Variants in OPRM1 observed in about 807,000 individuals in gnomAD.
OPRM1 encodes mu-type opioid receptor.
A neutral mutation model predicts 31.8 loss-of-function variants in OPRM1; 27 were observed. The observed-to-expected ratio is 0.85, with a 90% CI of 0.63 to 1.17. The LOEUF is 1.17. Ranked by LOEUF, OPRM1 falls within the 50% of genes most tolerant of loss-of-function variation. OPRM1 has a pLI of 0.00. For missense variants in OPRM1, 536 were observed against 511.1 expected (o/e 1.05, Z -0.47); for synonymous variants, 196 against 189.9 (o/e 1.03, Z -0.26).
chr6:154,229,102 C>G (rs1024015602), intron 3 of OPRM1, among the ~76,000 whole-genome samples: 1 of 152,192 alleles, frequency 6.6e-6, no homozygotes, highest in Non-Finnish European at 1.5e-5. Flanking sequence ...CAGGGGCGGC[C>G]CTCCCTTACA....
intron 3 of OPRM1, among the ~76,000 whole-genome samples, chr6:154,192,689 C>CA (rs905887187): frequency 7.2e-5 from 11 of 151,780 alleles, no homozygotes; most frequent in Non-Finnish European, 1.3e-4. Flanking sequence ...TTAATCCTAT[C>CA]AAAAAATGGG....
chr6:154,063,031 A>T (rs1256988523), intron 1 of OPRM1, among the ~76,000 whole-genome samples: 1 of 152,058 alleles, frequency 6.6e-6, no homozygotes, highest in Non-Finnish European at 1.5e-5. Context: ...CATTCCAAGT[A>T]GTTAAATCTC....
intron 3 of OPRM1, among the ~76,000 whole-genome samples, chr6:154,175,700 A>T (rs1436708563): frequency 4.6e-5 from 7 of 152,212 alleles, no homozygotes; most frequent in African/African-American, 1.7e-4. Context: ...AACCAAAAAA[A>T]ATCCAGGACC....
chr6:154,114,119 A>C (rs1225331372), intron 3 of OPRM1, among the ~76,000 whole-genome samples: 1 of 152,174 alleles, frequency 6.6e-6, no homozygotes, highest in Non-Finnish European at 1.5e-5. Context: ...TTTCTAATCA[A>C]CTTGTACATA....
chr6:154,197,336 CAA>C (rs779496553), intron 3 of OPRM1, among the ~76,000 whole-genome samples: 1 of 152,072 alleles, frequency 6.6e-6, no homozygotes, highest in Non-Finnish European at 1.5e-5. Flanking sequence ...CAAATGCAAG[CAA>C]AGATTGGGTT....
intron 3 of OPRM1, among the ~76,000 whole-genome samples, chr6:154,212,595 T>A (rs530975820): frequency 1.3e-5 from 2 of 152,298 alleles, no homozygotes; most frequent in East Asian, 3.9e-4. Flanking sequence ...TACCACTGGG[T>A]TGCTATGGAG....
intron 3 of OPRM1, chr6:154,094,154 A>G: frequency 2.0e-6 from 2 of 1,010,920 alleles, no homozygotes; most frequent in East Asian, 6.0e-5. Context: ...TTTGAGGAAT[A>G]TATTATACTC....
At chr6:154,051,982 G>A (rs1223693322) in intron 1 of OPRM1, among the ~76,000 whole-genome samples, 1 of 152,152 alleles carries the variant, frequency 6.6e-6, no homozygotes, top group African/African-American at 2.4e-5. Flanking sequence ...ATACACCATG[G>A]AATACTATGC....
chr6:154,108,856 T>C (rs1795998541), intron 3 of OPRM1: 1 of 984,786 alleles, frequency 1.0e-6, no homozygotes, highest in South Asian at 4.7e-5. Context: ...CCAAGCATAC[T>C]AGAAGTGTTC....
intron 1 of OPRM1, among the ~76,000 whole-genome samples, chr6:154,028,651 TC>T (rs1207257795): frequency 6.6e-6 from 1 of 152,158 alleles, no homozygotes; most frequent in African/African-American, 2.4e-5. Flanking sequence ...GATTAGTGAT[TC>T]CCCTCTGGCT....
upstream of OPRM1, among the ~76,000 whole-genome samples, chr6:154,036,778 G>GCAAC (rs1237068101): frequency 2.0e-5 from 3 of 150,460 alleles, no homozygotes; most frequent in Admixed American, 6.6e-5. Flanking sequence ...TATATTTTAT[G>GCAAC]CCATTATCTG....
At chr6:154,165,308 C>G (rs1206630020) in intron 3 of OPRM1, among the ~76,000 whole-genome samples, 1 of 152,200 alleles carries the variant, frequency 6.6e-6, no homozygotes, top group Non-Finnish European at 1.5e-5. Flanking sequence ...ATCCTCTCCT[C>G]TTCCTCAAAG....
At chr6:154,032,499 A>C (rs1268876507) in intron 1 of OPRM1, among the ~76,000 whole-genome samples, 1 of 152,198 alleles carries the variant, frequency 6.6e-6, no homozygotes, top group Non-Finnish European at 1.5e-5. Context: ...GCAGTGGCAC[A>C]ATCATACCTT....
intron 3 of OPRM1, chr6:154,223,010 T>C: frequency 1.6e-6 from 1 of 633,098 alleles, no homozygotes. Context: ...AGAGGTTAAA[T>C]GCTTCTATTT....
intron 1 of OPRM1, among the ~76,000 whole-genome samples, chr6:154,057,830 C>G (rs1455458281): frequency 6.6e-6 from 1 of 152,158 alleles, no homozygotes; most frequent in African/African-American, 2.4e-5. Context: ...TATGAATACC[C>G]TGTCACACGA....
intron 1 of OPRM1, among the ~76,000 whole-genome samples, chr6:154,025,148 G>A (rs1327071991): frequency 7.9e-5 from 12 of 151,934 alleles, no homozygotes; most frequent in Admixed American, 2.6e-4. Context: ...TTGTATTGGG[G>A]CCTGTCTTTC....
chr6:154,199,220 C>A (rs111951297), intron 3 of OPRM1, among the ~76,000 whole-genome samples: 199 of 152,334 alleles, frequency 1.3e-3, no homozygotes, highest in African/African-American at 4.6e-3. Context: ...CAGGAGCCGA[C>A]AGGCTAAGAA....
chr6:154,079,660 C>T (rs1788656075), intron 1 of OPRM1, among the ~76,000 whole-genome samples: 1 of 152,024 alleles, frequency 6.6e-6, no homozygotes, highest in Admixed American at 6.5e-5. Flanking sequence ...TGACAAATAC[C>T]ACAAATATCA....
chr6:154,072,685 T>C (rs1787048340), intron 1 of OPRM1, among the ~76,000 whole-genome samples: 1 of 152,244 alleles, frequency 6.6e-6, no homozygotes, highest in Non-Finnish European at 1.5e-5. Flanking sequence ...TGTGATATTT[T>C]AAAGGGCCCT....
Sources: allele counts gnomAD v4.1 joint callset (sites outside exome capture counted in the v4.1 genomes callset), GRCh38; gene constraint gnomAD v4.1.1; transcripts MANE v1.5; gene names NCBI Gene and HGNC (gene_info 2026-07-23, HGNC 2026-07-21).